Variants in SORCS2 observed in about 807,000 individuals in gnomAD.
SORCS2 encodes the protein VPS10 domain-containing receptor SorCS2.
A neutral mutation model predicts 141.6 loss-of-function variants in SORCS2; 100 were observed. The observed-to-expected ratio is 0.71, with a 90% CI of 0.60 to 0.83. The LOEUF (loss-of-function observed/expected upper bound fraction) is 0.83, where lower values mean the gene tolerates loss of function less well. Ranked by LOEUF, SORCS2 falls within the 40% of genes least tolerant of loss-of-function variation. SORCS2 has a pLI of 0.00. For synonymous variants in SORCS2, 789 were observed against 676.9 expected (o/e 1.17, Z -2.57); for missense variants, 1,646 against 1,560.2 (o/e 1.05, Z -0.93).
At chr4:7,516,669 G>A (rs1163727796) in intron 2 of SORCS2, among the ~76,000 whole-genome samples, 1 of 152,164 alleles carries the variant, frequency 6.6e-6, no homozygotes, top group Non-Finnish European at 1.5e-5. Flanking sequence ...TGTGGGGAGA[G>A]GGTGCTTTCC....
chr4:7,553,981 G>T (rs1713917394), intron 3 of SORCS2, among the ~76,000 whole-genome samples: 1 of 152,178 alleles, frequency 6.6e-6, no homozygotes, highest in Non-Finnish European at 1.5e-5. Context: ...CGCCCACATT[G>T]CTGGAAAAGA....
At chr4:7,650,944 A>T (rs2108892076) in intron 4 of SORCS2, among the ~76,000 whole-genome samples, 1 of 152,256 alleles carries the variant, frequency 6.6e-6, no homozygotes, top group Non-Finnish European at 1.5e-5. Flanking sequence ...CACATAGTCC[A>T]TCCTCCCTTG....
intron 15 of SORCS2, among the ~76,000 whole-genome samples, chr4:7,713,911 C>T (rs965499100): frequency 2.6e-5 from 4 of 152,194 alleles, no homozygotes; most frequent in Admixed American, 2.0e-4. Flanking sequence ...TGTGAGCCCT[C>T]GAGGGCGTGG....
Position 7,638,429 on chromosome 4 carries a change from G to C in SORCS2, c.750G>C (p.Val250=). ...AGAAGCAGCCCATTCCCTTCTTCGT[G>C]GAAACTCTGATTTTCCACCCTAAGG... ...TFQKQPIPFF[V]ETLIFHPKEE... Residue 250 remains valine (V), a synonymous_variant, in exon 4 of 27, where the codon GTG becomes GTC. Transcript: ENST00000507866. The C allele has an allele frequency of 4.4e-6, 7 of 1,606,942 alleles. No individual in the cohort carries two copies. Among genetic ancestry groups the C allele is most frequent in the Non-Finnish European group, 5.9e-6 (7 of 1,177,220 alleles).
intron 1 of SORCS2, among the ~76,000 whole-genome samples, chr4:7,306,063 C>G (rs563181650): frequency 2.0e-4 from 30 of 152,344 alleles, no homozygotes; most frequent in South Asian, 1.7e-3. Context: ...CTTGGGCTTG[C>G]TGTGAGCTGG....
rs556796868 is a variant in SORCS2 at position 7,297,394 on chromosome 4, T to C, written c.481-98894T>C. ...TGCATGAATACCACTTTTGTGCTTT[T>C]TCTGCAGGCCCCCGCCCCTCCCCCA... On this transcript the variant is annotated intron_variant, in intron 1 of 26. Coordinates refer to ENST00000507866, the MANE Select transcript of SORCS2 (RefSeq NM_020777.3). 1.1e-4 allele frequency among the ~76,000 whole-genome samples: 17 copies of C among 152,102 alleles called. No homozygotes were observed. In the South Asian group the frequency reaches 1.4e-3, roughly 13 times the overall value.
chr4:7,587,762 G>T (rs1399922409), intron 3 of SORCS2, among the ~76,000 whole-genome samples: 1 of 152,178 alleles, frequency 6.6e-6, no homozygotes, highest in Non-Finnish European at 1.5e-5. Context: ...GTCAGGGACT[G>T]TTTGCCCCCT....
chr4:7,645,744 T>G (rs1027647975), intron 4 of SORCS2, among the ~76,000 whole-genome samples: 1 of 152,174 alleles, frequency 6.6e-6, no homozygotes, highest in Admixed American at 6.5e-5. Flanking sequence ...GGATGAAAAC[T>G]TTCTTTAAAA....
At chr4:7,724,381 ATAGGGTGTTGG>A (rs1560113582) in intron 19 of SORCS2, among the ~76,000 whole-genome samples, 135 of 132,210 alleles carry the variant, frequency 1.0e-3, no homozygotes, top group Middle Eastern at 5.4e-3. Flanking sequence ...GATGGTGGTG[ATAGGGTGTTGG>A]TGATGGTGAT....
chr4:7,354,590 A>G (rs1721137542), intron 1 of SORCS2, among the ~76,000 whole-genome samples: 1 of 152,166 alleles, frequency 6.6e-6, no homozygotes, highest in Admixed American at 6.5e-5. Context: ...GTTTCTCTTC[A>G]TGTCACCTCT....
At chr4:7,218,017 C>T (rs1272356141) in intron 1 of SORCS2, among the ~76,000 whole-genome samples, 1 of 152,104 alleles carries the variant, frequency 6.6e-6, no homozygotes, top group Non-Finnish European at 1.5e-5. Flanking sequence ...GCCGGGCTTC[C>T]CCAGGTATGC....
intron 4 of SORCS2, among the ~76,000 whole-genome samples, chr4:7,639,612 T>G (rs1720509666): frequency 6.6e-6 from 1 of 151,614 alleles, no homozygotes; most frequent in Non-Finnish European, 1.5e-5. Flanking sequence ...AGTGTATATG[T>G]GCGTGTGAAT....
intron 1 of SORCS2, among the ~76,000 whole-genome samples, chr4:7,318,385 T>G (rs6846329): frequency 0.59 from 89,607 of 152,010 alleles, 26,483 homozygotes; most frequent in South Asian, 0.72. Flanking sequence ...GGATGCCAGA[T>G]ACTTGATAGG....
chr4:7,452,913 T>TCC (rs1728569309), intron 2 of SORCS2, among the ~76,000 whole-genome samples: 1 of 130,082 alleles, frequency 7.7e-6, no homozygotes, highest in Admixed American at 8.0e-5. Flanking sequence ...GGTCAGGTGC[T>TCC]GTGTTGAGGT....
intron 3 of SORCS2, among the ~76,000 whole-genome samples, chr4:7,626,147 A>AAAAT (rs1173661208): frequency 1.3e-5 from 2 of 152,044 alleles, no homozygotes; most frequent in Admixed American, 6.5e-5. Context: ...ACCCTGTCTC[A>AAAAT]AAATAAATAA....
At chr4:7,710,067 A>G (rs567938228) in intron 14 of SORCS2, among the ~76,000 whole-genome samples, 1 of 152,348 alleles carries the variant, frequency 6.6e-6, no homozygotes, top group South Asian at 2.1e-4. Context: ...GCAGGGCTTC[A>G]GGGACATGCA....
chr4:7,399,596 C>T (rs756216517), intron 2 of SORCS2, among the ~76,000 whole-genome samples: 1 of 152,022 alleles, frequency 6.6e-6, no homozygotes, highest in Non-Finnish European at 1.5e-5. Flanking sequence ...TGAATCGGTG[C>T]AAAAGGCTGG....
intron 1 of SORCS2, among the ~76,000 whole-genome samples, chr4:7,244,302 C>T (rs996869773): frequency 2.5e-4 from 38 of 152,340 alleles, no homozygotes; most frequent in African/African-American, 8.9e-4. Flanking sequence ...TGCACTCCCC[C>T]CGAGTGGTTA....
At chr4:7,246,781 G>A (rs544929842) in intron 1 of SORCS2, among the ~76,000 whole-genome samples, 126 of 152,296 alleles carry the variant, frequency 8.3e-4, no homozygotes, top group African/African-American at 2.8e-3. Context: ...GTGAGCGTGC[G>A]CTTTGGATGT....
Sources: allele counts gnomAD v4.1 joint callset (sites outside exome capture counted in the v4.1 genomes callset), GRCh38; gene constraint gnomAD v4.1.1; transcripts MANE v1.5; gene names NCBI Gene and HGNC (gene_info 2026-07-23, HGNC 2026-07-21).